ZNF808: variants seen among roughly 807,000 people sequenced by gnomAD.
ZNF808 encodes zinc finger protein 808.
ZNF808 carries 5 observed loss-of-function variants against 8.7 expected under a neutral mutation model. That is an observed-to-expected ratio of 0.58 (90% CI 0.30 to 1.21). The LOEUF (loss-of-function observed/expected upper bound fraction) is 1.21, where lower values mean the gene tolerates loss of function less well. Ranked by LOEUF, ZNF808 falls within the 50% of genes most tolerant of loss-of-function variation. The pLI, the probability that ZNF808 is intolerant of heterozygous loss-of-function variation, is 0.07. For missense variants in ZNF808, 1,103 were observed against 1,098.4 expected, an observed-to-expected ratio of 1.00 and a Z score of -0.06; for synonymous variants, 380 against 366.0, an observed-to-expected ratio of 1.04 and a Z score of -0.44.
In ZNF808 at chr19:52,554,416, C is replaced by T; in HGVS notation, c.1500C>T (p.Cys500=). The part of the protein sequence containing the change: ...KTFSRRSSLL[C]HRRLHSGEKP... Reference sequence around the variant, plus strand: ...TCAGCCGCAGGTCATCCCTTCTATGCCATCGTAGACTTCATAGTGGTGAAA... The same window carrying T: ...TCAGCCGCAGGTCATCCCTTCTATGTCATCGTAGACTTCATAGTGGTGAAA... The change falls in exon 5 of 5, where the codon TGC becomes TGT. Residue 500 remains cysteine, a synonymous_variant. Transcript: ENST00000359798. 1 of 1,613,910 alleles carries T rather than the reference C, an allele frequency of 6.2e-7. No individual in the cohort carries two copies. Among genetic ancestry groups the T allele is most frequent in the Non-Finnish European group, 8.5e-7 (1 of 1,179,972 alleles).
rs2059577902 is a variant in ZNF808, at chr19:52,533,487, A to G, written c.-20+478A>G. Among the ~76,000 whole-genome samples the G allele has an allele frequency of 2.6e-5, 4 of 151,824 alleles. No individual in the cohort carries two copies. In the South Asian group the frequency reaches 6.2e-4, roughly 24 times the overall value. On this transcript the variant is annotated intron_variant, in intron 2 of 4. Transcript: ENST00000359798. ...ATGATTCTCCAGCCTTGGCCTTCCA[A>G]AGTACTGGGATTACAGGTGTGAGCC...
In ZNF808 at chr19:52,553,795, A is replaced by T. The variant is rs2059802891; in HGVS notation, c.879A>T (p.Gly293=). ...AACCTTACAAGTGTAAAGAGTGTGG[A>T]AAGTCCTTCAGTTACAAGTCATCCC... ...GEKPYKCKEC[G]KSFSYKSSLT... is the part of the protein sequence containing the mutation. Residue 293 remains glycine, a synonymous_variant, in exon 5 of 5, where the codon GGA becomes GGT. Transcript: ENST00000359798. The T allele has an allele frequency of 6.2e-7, 1 of 1,613,794 alleles. No individual in the cohort carries two copies. The highest frequency in any genetic ancestry group is 1.1e-5 in the South Asian group (1 of 91,086).
Position 52,555,803 on chromosome 19 carries a change from G to C in ZNF808, c.*175G>C, listed in dbSNP as rs954202634. 9.9e-7 allele frequency: 1 copy of C among 1,006,736 alleles called. No individual in the cohort carries two copies. Among genetic ancestry groups the C allele is most frequent in the African/African-American group, 1.6e-5 (1 of 62,798 alleles). The allele number at this position is 1,006,736 out of a possible 1,614,324, so 62.4% of individuals were successfully genotyped here. A position where few individuals can be genotyped will look rare whatever the true frequency, so the allele number is the denominator to read the frequency against. On this transcript the variant is annotated 3_prime_UTR_variant, in exon 5 of 5. Coordinates refer to ENST00000359798, the MANE Select transcript of ZNF808 (RefSeq NM_001039886.4). The stretch of plus-strand genomic sequence containing the variant: ...TGGAGAGAAACCTTACAAATGTCAT[G>C]ATTGAGGCAAGGTCTTCAGTCAAGC...
intron 3 of ZNF808, among the ~76,000 whole-genome samples, chr19:52,545,764 A>C (rs2123144576): frequency 6.6e-6 from 1 of 151,148 alleles, no homozygotes; most frequent in African/African-American, 2.4e-5. Flanking sequence ...TGTGCAATAG[A>C]GTGAGACTCC....
At position 52,553,005 on chromosome 19, in the gene ZNF808, G is replaced by C; in HGVS notation, c.191-102G>C. ...CCTAAACTTTGAATATCATGTTTGG[G>C]AATTTCAAAATAAGTATTGTTTTTT... is the stretch of plus-strand genomic sequence containing the variant. On this transcript the variant is annotated intron_variant, in intron 4 of 4. Coordinates refer to ENST00000359798, the MANE Select transcript of ZNF808 (RefSeq NM_001039886.4). 8 of 1,402,572 alleles carry C rather than the reference G, an allele frequency of 5.7e-6. No homozygotes were observed. In the South Asian group the frequency reaches 1.5e-4, roughly 27 times the overall value. 86.9% of individuals were successfully genotyped at this position (1,402,572 alleles called of 1,614,324 possible).
At chr19:52,530,972 G>A (rs879768516) in intron 1 of ZNF808, among the ~76,000 whole-genome samples, 5 of 151,596 alleles carry the variant, frequency 3.3e-5, no homozygotes, top group Non-Finnish European at 5.9e-5. Flanking sequence ...GTGAGACTCC[G>A]TCTCCCCGCC....
rs749702986 is a variant in ZNF808 at position 52,547,552 on chromosome 19, T to G, written c.104T>G (p.Leu35Trp). The G allele has an allele frequency of 5.6e-6, 9 of 1,613,952 alleles. No individual in the cohort carries two copies. The highest frequency in any genetic ancestry group is 7.6e-6 in the Non-Finnish European group (9 of 1,179,994). Residue 35 changes from leucine (L) to tryptophan (W), a missense_variant, in exon 4 of 5, where the codon TTG becomes TGG. Coordinates refer to ENST00000359798, the MANE Select transcript of ZNF808 (RefSeq NM_001039886.4). ...TFRDVAIEFS[L>W]AEWKFLNPAQ... ...AGGGATGTGGCTATAGAATTCTCAT[T>G]GGCAGAGTGGAAATTCCTGAACCCT... is the stretch of plus-strand genomic sequence containing the variant.
downstream of ZNF808, among the ~76,000 whole-genome samples, chr19:52,565,121 A>G (rs1383437982): frequency 6.6e-6 from 1 of 152,008 alleles, no homozygotes; most frequent in Non-Finnish European, 1.5e-5. Context: ...AAATACAAAT[A>G]CAAAATTAGG....
intron 3 of ZNF808, among the ~76,000 whole-genome samples, chr19:52,543,896 C>T (rs1676153): frequency 0.33 from 50,342 of 151,166 alleles, 9,194 homozygotes; most frequent in East Asian, 0.52. Context: ...CAGTGGCTTA[C>T]ACCTGTAATC....
At position 52,552,331 on chromosome 19, in the gene ZNF808, A is replaced by C. The variant is rs1388817079; in HGVS notation, c.191-776A>C. On this transcript the variant is annotated intron_variant, in intron 4 of 4. Transcript: ENST00000359798. ...CGCACCCGGCCCAAAAATTTTTTCAAAAGTCACTAAGTGCCTGTTCTGTGT... is the reference window on the plus strand; with the variant it reads ...CGCACCCGGCCCAAAAATTTTTTCACAAGTCACTAAGTGCCTGTTCTGTGT... Among the ~76,000 whole-genome samples the C allele has an allele frequency of 2.0e-5, 3 of 152,130 alleles. No homozygotes were observed. In the East Asian group the frequency reaches 5.8e-4, roughly 29 times the overall value.
At chr19:52,561,206 CTCTCTCTATATA>C (rs1311780067), downstream of ZNF808, among the ~76,000 whole-genome samples, 849 of 34,970 alleles carry the variant, frequency 0.024, 4 homozygotes, top group Non-Finnish European at 0.035. Context: ...CTCTCTCTCT[CTCTCTCTATATA>C]TATATATATA....
At chr19:52,548,453 T>C (rs1163604843) in intron 4 of ZNF808, among the ~76,000 whole-genome samples, 3 of 152,156 alleles carry the variant, frequency 2.0e-5, no homozygotes, top group East Asian at 1.9e-4. Flanking sequence ...CTCATAGTCT[T>C]GCTCTGTTGC....
chr19:52,558,371 T>C (rs2059845821), downstream of ZNF808, among the ~76,000 whole-genome samples: 1 of 133,502 alleles, frequency 7.5e-6, no homozygotes. Flanking sequence ...ATCTGAACTT[T>C]GTTTTATTTA....
chr19:52,558,044 T>TTTTTTG (rs1600048432), downstream of ZNF808, among the ~76,000 whole-genome samples: 6 of 138,596 alleles, frequency 4.3e-5, no homozygotes, highest in South Asian at 2.2e-4. Context: ...TTTTTTTTTT[T>TTTTTTG]GAGGGTAGGA....
chr19:52,559,345 C>G (rs1181850965), downstream of ZNF808, among the ~76,000 whole-genome samples: 1 of 152,138 alleles, frequency 6.6e-6, no homozygotes, highest in Non-Finnish European at 1.5e-5. Flanking sequence ...ATATGCACAT[C>G]AAAAGCACAG....
intron 2 of ZNF808, among the ~76,000 whole-genome samples, chr19:52,536,220 C>T (rs1447963407): frequency 6.6e-6 from 1 of 152,208 alleles, no homozygotes; most frequent in African/African-American, 2.4e-5. Flanking sequence ...GGTTTGAACT[C>T]GTCCGGAGGC....
intron 2 of ZNF808, among the ~76,000 whole-genome samples, chr19:52,541,013 A>G (rs1001669714): frequency 2.0e-5 from 3 of 152,092 alleles, no homozygotes; most frequent in Non-Finnish European, 4.4e-5. Flanking sequence ...GTGCAGTGGC[A>G]TGATCTCAGC....
At chr19:52,536,814 C>T (rs2059616662) in intron 2 of ZNF808, among the ~76,000 whole-genome samples, 1 of 152,006 alleles carries the variant, frequency 6.6e-6, no homozygotes, top group Admixed American at 6.6e-5. Context: ...ACAGGGAGAG[C>T]AGAGGAGACG....
At chr19:52,563,930 A>T (rs186725049) in exon 4 of ZNF808, 1 of 283,804 alleles carries the variant, frequency 3.5e-6, no homozygotes, top group Non-Finnish European at 6.7e-6. Flanking sequence ...CGGGAGGCGG[A>T]AGTTTCGATG....
Sources: allele counts gnomAD v4.1 joint callset (sites outside exome capture counted in the v4.1 genomes callset), GRCh38; gene constraint gnomAD v4.1.1; transcripts MANE v1.5; gene names NCBI Gene and HGNC (gene_info 2026-07-23, HGNC 2026-07-21).